Variants in IGFBP2 observed in about 807,000 individuals in gnomAD.
IGFBP2 encodes the protein insulin-like growth factor-binding protein 2.
IGFBP2 carries 12 observed loss-of-function variants against 26.2 expected under a neutral mutation model. The ratio of observed to expected loss-of-function variants is 0.46; its 90% CI spans 0.29 to 0.74. The LOEUF is 0.74. Among genes scored for constraint, IGFBP2 ranks in the 30% least tolerant of loss-of-function variants. The pLI, the probability that IGFBP2 is intolerant of heterozygous loss-of-function variation, is 0.09. For synonymous variants in IGFBP2, 189 were observed against 200.6 expected (o/e 0.94, Z 0.49); for missense variants, 328 against 441.2 (o/e 0.74, Z 2.30).
chr2:216,653,388 A>T (rs1315745845), intron 1 of IGFBP2, among the ~76,000 whole-genome samples: 4 of 152,230 alleles, frequency 2.6e-5, no homozygotes, highest in Admixed American at 2.6e-4. Context: ...GCTGTGCCAA[A>T]ATTAGGTCTG....
chr2:216,652,973 A>G (rs1697856854), intron 1 of IGFBP2, among the ~76,000 whole-genome samples: 1 of 152,220 alleles, frequency 6.6e-6, no homozygotes, highest in Non-Finnish European at 1.5e-5. Flanking sequence ...AGATTTTAAG[A>G]TAATCATGAG....
intron 1 of IGFBP2, among the ~76,000 whole-genome samples, chr2:216,647,669 A>G (rs545226705): frequency 1.3e-4 from 20 of 152,034 alleles, no homozygotes; most frequent in South Asian, 4.2e-4. Flanking sequence ...ACAGGCGCCC[A>G]CCACCACGCC....
intron 1 of IGFBP2, among the ~76,000 whole-genome samples, chr2:216,644,517 C>T (rs1164201955): frequency 6.6e-6 from 1 of 152,082 alleles, no homozygotes; most frequent in African/African-American, 2.4e-5. Flanking sequence ...GAAGTTGTAC[C>T]TACTCAGTGT....
rs1304538936 is a variant in IGFBP2 at position 216,633,579 on chromosome 2, C to CGCTGCTGCCGCT, written c.64_65insCGCTGCTGCTGC (p.Leu21_Leu22insProLeuLeuLeu). ...CCGCTGCCGCCGCCGCCGCTGCTGC[C>CGCTGCTGCCGCT]GCTGCTGCTGCTGCTACTGGGCGCG... On this transcript the variant is annotated inframe_insertion, in exon 1 of 4. Transcript: ENST00000233809. 5 of 1,016,268 alleles carry CGCTGCTGCCGCT rather than the reference C, an allele frequency of 4.9e-6. No homozygotes were observed. The highest frequency in any genetic ancestry group is 5.9e-6 in the Non-Finnish European group (5 of 853,434). 63.0% of individuals were successfully genotyped at this position (1,016,268 alleles called of 1,614,324 possible).
At chr2:216,654,061 C>T (rs1697874063) in intron 1 of IGFBP2, among the ~76,000 whole-genome samples, 1 of 152,100 alleles carries the variant, frequency 6.6e-6, no homozygotes, top group Non-Finnish European at 1.5e-5. Flanking sequence ...TTATTCTGAA[C>T]TTAACTCTCT....
chr2:216,633,239 G>A (rs551556389), upstream of IGFBP2, among the ~76,000 whole-genome samples: 32 of 152,296 alleles, frequency 2.1e-4, no homozygotes, highest in South Asian at 8.3e-4. Flanking sequence ...GGCCCGGGAA[G>A]AGCAGGGAAC....
intron 1 of IGFBP2, among the ~76,000 whole-genome samples, chr2:216,639,437 GC>G (rs1406440684): frequency 6.6e-6 from 1 of 152,148 alleles, no homozygotes; most frequent in East Asian, 1.9e-4. Context: ...AGGACAGGGG[GC>G]TGCTGAAAGG....
chr2:216,652,468 G>A (rs530232802), intron 1 of IGFBP2, among the ~76,000 whole-genome samples: 5 of 152,336 alleles, frequency 3.3e-5, no homozygotes, highest in African/African-American at 9.6e-5. Context: ...GAGCCACCGC[G>A]CCCCGCCCCT....
intron 1 of IGFBP2, among the ~76,000 whole-genome samples, chr2:216,639,135 C>G (rs1697563431): frequency 6.6e-6 from 1 of 151,508 alleles, no homozygotes; most frequent in African/African-American, 2.4e-5. Flanking sequence ...TGGGTTCACG[C>G]CATTGTCCTG....
chr2:216,635,092 C>T (rs1697469642), intron 1 of IGFBP2, among the ~76,000 whole-genome samples: 2 of 150,758 alleles, frequency 1.3e-5, no homozygotes, highest in Non-Finnish European at 1.5e-5. Context: ...CTTCTGAGGT[C>T]TTCGTAAGCC....
intron 1 of IGFBP2, among the ~76,000 whole-genome samples, chr2:216,654,068 C>T (rs1216250140): frequency 1.3e-5 from 2 of 152,114 alleles, no homozygotes; most frequent in African/African-American, 4.8e-5. Flanking sequence ...GAACTTAACT[C>T]TCTTAGGCAG....
chr2:216,642,186 G>C (rs914907585), intron 1 of IGFBP2, among the ~76,000 whole-genome samples: 5 of 150,568 alleles, frequency 3.3e-5, no homozygotes, highest in African/African-American at 9.8e-5. Flanking sequence ...TTTTAGTAGA[G>C]ATGGGGTTTC....
chr2:216,648,945 C>A (rs1234267370), intron 1 of IGFBP2, among the ~76,000 whole-genome samples: 1 of 152,148 alleles, frequency 6.6e-6, no homozygotes, highest in Non-Finnish European at 1.5e-5. Flanking sequence ...TTAAAAAATG[C>A]AGAAAAGTAC....
intron 1 of IGFBP2, among the ~76,000 whole-genome samples, chr2:216,642,333 G>A (rs1697633313): frequency 7.7e-6 from 1 of 130,680 alleles, no homozygotes; most frequent in Admixed American, 8.2e-5. Flanking sequence ...TTGAGACGGA[G>A]TCTTGCTCTG....
chr2:216,661,618 A>G, intron 2 of IGFBP2: 1 of 593,188 alleles, frequency 1.7e-6, no homozygotes, highest in Non-Finnish European at 3.0e-6. Flanking sequence ...CGGTCACAGA[A>G]CAAGGAGAGG....
At chr2:216,635,202 T>A (rs1465492642) in intron 1 of IGFBP2, among the ~76,000 whole-genome samples, 1 of 152,066 alleles carries the variant, frequency 6.6e-6, no homozygotes, top group Non-Finnish European at 1.5e-5. Flanking sequence ...GTTGAAATCT[T>A]TCTTCTGTTT....
chr2:216,646,241 G>A (rs1000335167), intron 1 of IGFBP2, among the ~76,000 whole-genome samples: 5 of 152,192 alleles, frequency 3.3e-5, no homozygotes, highest in African/African-American at 4.8e-5. Flanking sequence ...GAAGGGGAGG[G>A]TGGTGGGAAA....
At chr2:216,635,294 G>T (rs1354500687) in intron 1 of IGFBP2, among the ~76,000 whole-genome samples, 1 of 151,932 alleles carries the variant, frequency 6.6e-6, no homozygotes, top group East Asian at 1.9e-4. Flanking sequence ...CTTCTCCCTC[G>T]GCTCGCTTCC....
At chr2:216,641,856 A>AT (rs1235007005) in intron 1 of IGFBP2, among the ~76,000 whole-genome samples, 2 of 148,914 alleles carry the variant, frequency 1.3e-5, no homozygotes, top group African/African-American at 5.0e-5. Flanking sequence ...CGCCCGGCTA[A>AT]TTTTTTGTAT....
Sources: allele counts gnomAD v4.1 joint callset (sites outside exome capture counted in the v4.1 genomes callset), GRCh38; gene constraint gnomAD v4.1.1; transcripts MANE v1.5; gene names NCBI Gene and HGNC (gene_info 2026-07-23, HGNC 2026-07-21).